Variants in NXPH4 observed in about 807,000 individuals in gnomAD.
NXPH4 encodes neurexophilin 4, also known as neurexophilin-4.
Under a neutral mutation model 21.3 loss-of-function variants are expected in NXPH4, and 8 were observed. The ratio of observed to expected loss-of-function variants is 0.38; its 90% CI spans 0.22 to 0.68. NXPH4 has a LOEUF of 0.68. Among genes scored for constraint, NXPH4 ranks in the 30% least tolerant of loss-of-function variants. NXPH4 has a pLI of 0.53. For missense variants in NXPH4, 418 were observed against 416.8 expected (o/e 1.00, Z -0.03); for synonymous variants, 219 against 192.6 (o/e 1.14, Z -1.13).
Position 57,218,548 on chromosome 12 carries a change from A to G in NXPH4, c.57+1522A>G, listed in dbSNP as rs149468410. On this transcript the variant is annotated intron_variant, in intron 1 of 1. Coordinates refer to ENST00000349394, the MANE Select transcript of NXPH4 (RefSeq NM_007224.4). Reference sequence around the variant, plus strand: ...CATCTCCACTCTCCCAGGCAAATAAACTCCCCTGTGGACAGATCTGGTTTA... The same window carrying G: ...CATCTCCACTCTCCCAGGCAAATAAGCTCCCCTGTGGACAGATCTGGTTTA... 2.2e-3 allele frequency among the ~76,000 whole-genome samples: 332 copies of G among 152,008 alleles called. 9 individuals carry two copies. In the East Asian group the frequency reaches 0.045, roughly 21 times the overall value.
intron 1 of NXPH4, among the ~76,000 whole-genome samples, chr12:57,222,266 A>G (rs1344961083): frequency 6.6e-6 from 1 of 152,116 alleles, no homozygotes; most frequent in South Asian, 2.1e-4. Flanking sequence ...CCAGGATCAG[A>G]GAAGCACAGA....
chr12:57,225,087 G>A lies in NXPH4; in HGVS notation c.267G>A (p.Gln89=). Residue 89 remains glutamine (Q), a synonymous_variant, in exon 2 of 2, where the codon CAG becomes CAA. Coordinates refer to ENST00000349394, the MANE Select transcript of NXPH4 (RefSeq NM_007224.4). ...RAGAAGALPA[Q]RTKRKPSIKA... ...GGGCAGCCGGGGCGTTGCCCGCGCA[G>A]CGCACCAAGAGGAAGCCGTCCATCA... 6.7e-7 allele frequency: 1 copy of A among 1,482,378 alleles called. No homozygotes were observed. The highest frequency in any genetic ancestry group is 9.0e-7 in the Non-Finnish European group (1 of 1,114,396). 91.8% of individuals were successfully genotyped at this position (1,482,378 alleles called of 1,614,324 possible). A position where few individuals can be genotyped will look rare whatever the true frequency, so the allele number is the denominator to read the frequency against.
At chr12:57,220,985 C>T (rs2037085797) in intron 1 of NXPH4, among the ~76,000 whole-genome samples, 1 of 151,778 alleles carries the variant, frequency 6.6e-6, no homozygotes, top group Non-Finnish European at 1.5e-5. Flanking sequence ...ATCTTCATTT[C>T]TCTGGTCCTT....
Position 57,217,009 on chromosome 12 carries a change from C to G in NXPH4, c.40C>G (p.Pro14Ala). The G allele has an allele frequency of 1.9e-6, 3 of 1,607,216 alleles. No homozygotes were observed. Among genetic ancestry groups the G allele is most frequent in the Non-Finnish European group, 2.5e-6 (3 of 1,177,286 alleles). ...LPEWFLLLFGPWLLRKAVSAQ... is the reference protein window; with the variant it reads ...LPEWFLLLFGAWLLRKAVSAQ... ...GGAATGGTTCCTCTTGCTCTTTGGC[C>G]CGTGGCTCCTTAGGAAGGTAAGAGT... Residue 14 changes from proline to alanine, a missense_variant, in exon 1 of 2, where the codon CCG becomes GCG. Coordinates refer to ENST00000349394, the MANE Select transcript of NXPH4 (RefSeq NM_007224.4).
chr12:57,225,643 A>G lies in NXPH4; in HGVS notation c.823A>G (p.Lys275Glu), dbSNP rs2037137880. 1 of 1,613,748 alleles carries G rather than the reference A, an allele frequency of 6.2e-7. No homozygotes were observed. Among genetic ancestry groups the G allele is most frequent in the African/African-American group, 1.3e-5 (1 of 74,998 alleles). Residue 275 changes from lysine to glutamate, a missense_variant, in exon 2 of 2, where the codon AAA (lysine) becomes GAA (glutamate). Lys to Glu is a moderately conservative substitution (Grantham distance 56, BLOSUM62 1). Coordinates refer to ENST00000349394, the MANE Select transcript of NXPH4 (RefSeq NM_007224.4). ...CGCCTGGCTCTGTGCCAAGCCCTTC[A>G]AAGTCATCTGTATCTTCGTCTCTTT... The part of the protein sequence containing the change: ...QAAWLCAKPF[K>E]VICIFVSFLS...
intron 1 of NXPH4, among the ~76,000 whole-genome samples, chr12:57,220,782 A>T (rs1045388474): frequency 2.0e-5 from 3 of 150,950 alleles, no homozygotes; most frequent in Non-Finnish European, 4.4e-5. Flanking sequence ...CCCATTTCCC[A>T]TTCCAGTCTC....
At chr12:57,220,746 C>G (rs2037083534) in intron 1 of NXPH4, among the ~76,000 whole-genome samples, 2 of 152,134 alleles carry the variant, frequency 1.3e-5, no homozygotes, top group Admixed American at 1.3e-4. Flanking sequence ...TGTCTCTGTC[C>G]CCGTCTCCTG....
Position 57,216,926 on chromosome 12 carries a change from T to C in NXPH4, c.-44T>C, listed in dbSNP as rs778767597. 3 of 1,487,982 alleles carry C rather than the reference T, an allele frequency of 2.0e-6. No individual in the cohort carries two copies. The highest frequency in any genetic ancestry group is 2.7e-6 in the Non-Finnish European group (3 of 1,112,022). The allele number at this position is 1,487,982 out of a possible 1,614,324, so 92.2% of individuals were successfully genotyped here. On this transcript the variant is annotated 5_prime_UTR_variant, in exon 1 of 2. Transcript: ENST00000349394. This position sits in a 1 kb window ranked among gnomAD's most constrained non-coding sequence, Gnocchi z 5.3. ...CGCGTCCCTAGGCCTGGCTCCCGCCTGCCCGAGACCCGCCCAGCCTGCCCC... is the reference window on the plus strand; with the variant it reads ...CGCGTCCCTAGGCCTGGCTCCCGCCCGCCCGAGACCCGCCCAGCCTGCCCC...
At position 57,225,172 on chromosome 12, in the gene NXPH4, C is replaced by G. The variant is rs180911868; in HGVS notation, c.352C>G (p.Leu118Val). Residue 118 changes from leucine (L) to valine (V), a missense_variant, in exon 2 of 2, where the codon CTC becomes GTC. Physicochemically the swap from Leu to Val is conservative, Grantham distance 32 (BLOSUM62 1). Coordinates refer to ENST00000349394, the MANE Select transcript of NXPH4 (RefSeq NM_007224.4). Reference sequence around the variant, plus strand: ...GGACTTCTACTTTCGGGTGCATACCCTCAAGTTTTCGCTGCTGGTGACCGG... The same window carrying G: ...GGACTTCTACTTTCGGGTGCATACCGTCAAGTTTTCGCTGCTGGTGACCGG... ...WGDFYFRVHTLKFSLLVTGKI... is the reference protein window; with the variant it reads ...WGDFYFRVHTVKFSLLVTGKI... The G allele has an allele frequency of 1.1e-5, 18 of 1,590,272 alleles. No individual in the cohort carries two copies. In the East Asian group the frequency reaches 3.6e-4, roughly 32 times the overall value.
At chr12:57,217,207 A>C (rs1383097587) in intron 1 of NXPH4, among the ~76,000 whole-genome samples, 181 bp downstream of exon 1, 3 of 152,156 alleles carry the variant, frequency 2.0e-5, no homozygotes, top group Non-Finnish European at 2.9e-5. Flanking sequence ...TCCTAGCGCA[A>C]GTTGGCTGAG....
Position 57,225,549 on chromosome 12 carries a change from G to A in NXPH4, c.729G>A (p.Ala243=). The A allele has an allele frequency of 6.2e-7, 1 of 1,613,152 alleles. No homozygotes were observed. The change falls in exon 2 of 2, where the codon GCG becomes GCA. Residue 243 remains alanine (A), a synonymous_variant. Transcript: ENST00000349394. ...CHVEYEKTNR[A]RKHRPCLYDP... Reference sequence around the variant, plus strand: ...TGGAGTATGAGAAGACAAACCGCGCGCGCAAGCACCGACCGTGCCTGTACG... The same window carrying A: ...TGGAGTATGAGAAGACAAACCGCGCACGCAAGCACCGACCGTGCCTGTACG...
chr12:57,217,066 G>C, intron 1 of NXPH4, 40 bp downstream of exon 1: 1 of 1,553,148 alleles, frequency 6.4e-7, no homozygotes, highest in Non-Finnish European at 8.7e-7. Context: ...CGGGCGCGGG[G>C]TTCCGGGACG....
At chr12:57,222,524 C>T (rs1006722377) in intron 1 of NXPH4, among the ~76,000 whole-genome samples, 2 of 152,002 alleles carry the variant, frequency 1.3e-5, no homozygotes, top group African/African-American at 4.8e-5. Flanking sequence ...ATAGGGGGGA[C>T]CTGGATGACT....
At chr12:57,221,208 A>C in intron 1 of NXPH4, 4 of 396,698 alleles carry the variant, frequency 1.0e-5, no homozygotes, top group South Asian at 3.5e-5. Context: ...CCACATCTCT[A>C]TCCCTCGTTC....
rs10783816 is a variant in NXPH4, at chr12:57,225,579, G to A, written c.759G>A (p.Pro253=). Residue 253 remains proline, a synonymous_variant, in exon 2 of 2, where the codon CCG becomes CCA. Transcript: ENST00000349394. ...ARKHRPCLYD[P]SQVCFTEHTQ... ...AGCACCGACCGTGCCTGTACGACCC[G>A]TCGCAGGTGTGCTTCACCGAGCACA... The A allele has an allele frequency of 0.33, 538,213 of 1,612,986 alleles. 92,194 individuals carry two copies. Among genetic ancestry groups the A allele is most frequent in the Admixed American group, 0.48 (28,672 of 59,994 alleles).
intron 1 of NXPH4, chr12:57,220,006 G>A (rs1191269144): frequency 2.6e-5 from 4 of 152,498 alleles, no homozygotes; most frequent in African/African-American, 9.7e-5. Flanking sequence ...AGGGGTCAGA[G>A]ATGGAGTAAT....
intron 1 of NXPH4, 55 bp downstream of exon 1, chr12:57,217,081 G>C: frequency 6.7e-7 from 1 of 1,494,300 alleles, no homozygotes; most frequent in Non-Finnish European, 9.1e-7. Flanking sequence ...GGGACGCGAA[G>C]GTCCCAGTGT....
rs1310679408 is a variant in NXPH4, at chr12:57,216,830, C to T, written c.-140C>T. 1 of 259,468 alleles carries T rather than the reference C, an allele frequency of 3.9e-6. No individual in the cohort carries two copies. Among genetic ancestry groups the T allele is most frequent in the Non-Finnish European group, 4.8e-6 (1 of 210,352 alleles). 16.1% of individuals were successfully genotyped at this position (259,468 alleles called of 1,614,324 possible). A position where few individuals can be genotyped will look rare whatever the true frequency, so the allele number is the denominator to read the frequency against. Reference sequence around the variant, plus strand: ...CGCGCCTCGCGCCCAGTCCGCGGGCCGCGCCGCCGCTCCCGCCGCTCCCGC... The same window carrying T: ...CGCGCCTCGCGCCCAGTCCGCGGGCTGCGCCGCCGCTCCCGCCGCTCCCGC... On this transcript the variant is annotated 5_prime_UTR_variant, in exon 1 of 2. Coordinates refer to ENST00000349394, the MANE Select transcript of NXPH4 (RefSeq NM_007224.4). The surrounding 1 kb of genome is among the most constrained non-coding windows in gnomAD (Gnocchi z 5.3).
At chr12:57,223,784 A>ATGGCCCGGGCC (rs1462070469) in intron 1 of NXPH4, among the ~76,000 whole-genome samples, 17 of 152,074 alleles carry the variant, frequency 1.1e-4, no homozygotes, top group Admixed American at 2.6e-4. Flanking sequence ...CAGATAATTG[A>ATGGCCCGGGCC]TGGCCCGGGC....
Sources: allele counts gnomAD v4.1 joint callset (sites outside exome capture counted in the v4.1 genomes callset), GRCh38; gene constraint gnomAD v4.1.1; non-coding constraint Gnocchi (gnomAD v3.1); transcripts MANE v1.5; gene names NCBI Gene and HGNC (gene_info 2026-07-23, HGNC 2026-07-21).